Variants in TMEM63B observed in about 807,000 individuals in gnomAD.
TMEM63B encodes the protein transmembrane protein 63B, also known as mechanosensitive cation channel TMEM63B.
Under a neutral mutation model 102.6 loss-of-function variants are expected in TMEM63B, and 23 were observed. That is an observed-to-expected ratio of 0.22 (90% confidence interval 0.16 to 0.32). TMEM63B has a LOEUF of 0.32. Ranked by LOEUF, TMEM63B falls within the 10% of genes least tolerant of loss-of-function variation. The pLI, the probability that TMEM63B is intolerant of heterozygous loss-of-function variation, is 1.00. For synonymous variants in TMEM63B, 444 were observed against 437.0 expected, an observed-to-expected ratio of 1.02 and a Z score of -0.20; for missense variants, 628 against 1,095.9, an observed-to-expected ratio of 0.57 and a Z score of 6.03.
At chr6:44,133,102 A>T (rs1262365832) in intron 1 of TMEM63B, among the ~76,000 whole-genome samples, 1 of 152,212 alleles carries the variant, frequency 6.6e-6, no homozygotes, top group East Asian at 1.9e-4. Context: ...CACTGGACAA[A>T]TGGTACCCAA....
At chr6:44,140,855 A>T (rs1258291770) in intron 9 of TMEM63B, among the ~76,000 whole-genome samples, 173 bp from the exon 10 acceptor site, 1 of 151,978 alleles carries the variant, frequency 6.6e-6, no homozygotes, top group Non-Finnish European at 1.5e-5. Context: ...TTTCCCTGGG[A>T]CCTGGCTTAT....
At chr6:44,140,896 G>C in intron 9 of TMEM63B, 132 bp from the exon 10 acceptor site, 1 of 746,114 alleles carries the variant, frequency 1.3e-6, no homozygotes, top group Non-Finnish European at 2.3e-6. Context: ...CACCCCATCT[G>C]TTCCCCTCTG....
rs1430882835 is a variant in TMEM63B, at chr6:44,152,593, C to T, written c.1837C>T (p.His613Tyr). ...ATCCTCCTGCCCGTCTCCCCCCCAG[C>T]ATCAGGCCTACGAGTTCCAGTTTGG... The part of the protein sequence containing the change: ...SAAERRNVKR[H>Y]QAYEFQFGAA... The change falls in exon 20 of 24, where the codon CAT (histidine) becomes TAT (tyrosine). Residue 613 changes from histidine (H) to tyrosine (Y), a missense_variant and splice_region_variant. By Grantham distance (83) the His-to-Tyr change is moderately conservative. Coordinates refer to ENST00000323267, the MANE Select transcript of TMEM63B (RefSeq NM_018426.3). This position sits in a 1 kb window ranked among gnomAD's most constrained non-coding sequence, Gnocchi z 6.4. 6.2e-7 allele frequency: 1 copy of T among 1,607,738 alleles called. No individual in the cohort carries two copies. Among genetic ancestry groups the T allele is most frequent in the East Asian group, 2.2e-5 (1 of 44,864 alleles).
rs754002437 is a variant in TMEM63B, at chr6:44,148,753, C to T, written c.1260-39C>T. Reference sequence around the variant, plus strand: ...TTGGTGTCACTGGGGGCCAATCCTGCCCTTGGTTCCTGGACTGACCGGTTC... The same window carrying T: ...TTGGTGTCACTGGGGGCCAATCCTGTCCTTGGTTCCTGGACTGACCGGTTC... On this transcript the variant is annotated intron_variant, in intron 14 of 23. Coordinates refer to ENST00000323267, the MANE Select transcript of TMEM63B (RefSeq NM_018426.3). The surrounding 1 kb of genome is among the most constrained non-coding windows in gnomAD (Gnocchi z 5.1). The T allele has an allele frequency of 3.3e-5, 54 of 1,612,400 alleles. No individual in the cohort carries two copies. Among genetic ancestry groups the T allele is most frequent in the Non-Finnish European group, 4.2e-5 (49 of 1,178,754 alleles).
intron 20 of TMEM63B, among the ~76,000 whole-genome samples, chr6:44,153,367 T>A (rs1767207154): frequency 6.6e-6 from 1 of 152,182 alleles, no homozygotes; most frequent in Admixed American, 6.5e-5. Flanking sequence ...GTCCCTTAAT[T>A]TATACGTATC....
intron 16 of TMEM63B, 29 bp downstream of exon 16, chr6:44,149,994 C>G: frequency 6.3e-7 from 1 of 1,587,612 alleles, no homozygotes; most frequent in East Asian, 2.3e-5. Context: ...CACCACACCT[C>G]GCTGTGGCCT....
rs751312777 is a variant in TMEM63B, at chr6:44,139,457, A to G, written c.408-10A>G. 6 of 1,613,992 alleles carry G rather than the reference A, an allele frequency of 3.7e-6. No homozygotes were observed. The East Asian group carries it at 1.1e-4, about 30-fold the overall frequency. ...AACCTAATTCCTTTGTCCAACCCGTATGGCTGCAGGGATGATGAGATCCGG... is the reference window on the plus strand; with the variant it reads ...AACCTAATTCCTTTGTCCAACCCGTGTGGCTGCAGGGATGATGAGATCCGG... On this transcript the variant is annotated splice_polypyrimidine_tract_variant and intron_variant, in intron 6 of 23. Transcript: ENST00000323267.
At chr6:44,141,003 G>A (rs1764143963) in intron 9 of TMEM63B, 25 bp from the exon 10 acceptor site, 1 of 1,612,780 alleles carries the variant, frequency 6.2e-7, no homozygotes, top group South Asian at 1.1e-5. Flanking sequence ...GCCTCAGAAG[G>A]CAAACCCACT....
chr6:44,142,580 C>T (rs768719743), intron 10 of TMEM63B, among the ~76,000 whole-genome samples: 2 of 152,024 alleles, frequency 1.3e-5, no homozygotes, highest in African/African-American at 4.8e-5. Context: ...GTATGGCAGT[C>T]GGCTTTAGGA....
At chr6:44,138,870 A>C in intron 6 of TMEM63B, 1 of 322,592 alleles carries the variant, frequency 3.1e-6, no homozygotes, top group Non-Finnish European at 6.0e-6. Flanking sequence ...AGAACTCAGG[A>C]GATCCAGCCA....
chr6:44,150,682 CT>C lies in TMEM63B; in HGVS notation c.1673+55del. 1 of 1,561,422 alleles carries C rather than the reference CT, an allele frequency of 6.4e-7. No individual in the cohort carries two copies. Among genetic ancestry groups the C allele is most frequent in the Non-Finnish European group, 8.8e-7 (1 of 1,133,954 alleles). On this transcript the variant is annotated intron_variant, in intron 18 of 23. Coordinates refer to ENST00000323267, the MANE Select transcript of TMEM63B (RefSeq NM_018426.3). The surrounding 1 kb of genome is among the most constrained non-coding windows in gnomAD (Gnocchi z 4.7). ...AGACCAGACAGCAGGGGTGGGTATG[CT>C]TGAGAGACATTGCCAGCCCCATGGG...
At chr6:44,130,106 T>C (rs1562110901) in intron 1 of TMEM63B, among the ~76,000 whole-genome samples, 1 of 152,126 alleles carries the variant, frequency 6.6e-6, no homozygotes, top group Non-Finnish European at 1.5e-5. Context: ...AGAAATAGGG[T>C]ATGGCATTTC....
Position 44,135,031 on chromosome 6 carries a change from A to C in TMEM63B, c.174A>C (p.Leu58Phe). 1 of 1,614,170 alleles carries C rather than the reference A, an allele frequency of 6.2e-7. No homozygotes were observed. The highest frequency in any genetic ancestry group is 8.5e-7 in the Non-Finnish European group (1 of 1,180,020). The change falls in exon 3 of 24, where the codon TTA becomes TTC. Residue 58 changes from leucine to phenylalanine, a missense_variant. Physicochemically the swap from Leu to Phe is conservative, Grantham distance 22. Around this residue, in one of 6 missense-constraint regions of TMEM63B, gnomAD observed 336 missense variants for 580.3 expected, o/e 0.58. Transcript: ENST00000323267. ...DFMCFLALLF[L>F]FSILRKVAWD... is the part of the protein sequence containing the mutation. ...TCTTCCCTCAGGCACTGCTGTTCTTATTCTCTATCCTCCGGAAGGTGGCCT... is the reference window on the plus strand; with the variant it reads ...TCTTCCCTCAGGCACTGCTGTTCTTCTTCTCTATCCTCCGGAAGGTGGCCT...
Position 44,132,366 on chromosome 6 carries a change from G to T in TMEM63B, c.-24-2195G>T, listed in dbSNP as rs1016754693. On this transcript the variant is annotated intron_variant, in intron 1 of 23. Coordinates refer to ENST00000323267, the MANE Select transcript of TMEM63B (RefSeq NM_018426.3). Reference sequence around the variant, plus strand: ...CACTTCATGTAGAAGCTTCCAAAATGCTCTACCTTTCTTTGGTGTGGAGAA... The same window carrying T: ...CACTTCATGTAGAAGCTTCCAAAATTCTCTACCTTTCTTTGGTGTGGAGAA... 1.9e-5 allele frequency: 19 copies of T among 978,360 alleles called. No homozygotes were observed. The East Asian group carries it at 3.4e-4, about 18-fold the overall frequency. 60.6% of individuals were successfully genotyped at this position (978,360 alleles called of 1,614,324 possible).
At chr6:44,138,596 G>A in intron 6 of TMEM63B, 79 bp downstream of exon 6, 4 of 1,578,016 alleles carry the variant, frequency 2.5e-6, no homozygotes, top group Non-Finnish European at 2.6e-6. Context: ...TCAGAAGCCA[G>A]CAGCTTTCAG....
chr6:44,147,549 G>A (rs1237997008), intron 12 of TMEM63B, 49 bp downstream of exon 12: 2 of 1,600,600 alleles, frequency 1.2e-6, no homozygotes, highest in Non-Finnish European at 1.7e-6. Context: ...ACAGGTCCTG[G>A]GCAGGCAAGG....
upstream of TMEM63B, chr6:44,127,300 G>A (rs997745856): frequency 6.6e-6 from 1 of 151,352 alleles, no homozygotes; most frequent in East Asian, 2.0e-4. Context: ...AAGAGGAGAA[G>A]GAGGGAATGA....
Position 44,153,684 on chromosome 6 carries a change from T to C in TMEM63B, c.1951T>C (p.Tyr651His). The change falls in exon 21 of 24, where the codon TAC (tyrosine) becomes CAC (histidine). Residue 651 changes from tyrosine to histidine, a missense_variant. Tyr to His is a moderately conservative substitution (Grantham distance 83, BLOSUM62 2). This residue lies in a region of TMEM63B where 90 missense variants were observed against 136.7 expected (regional missense o/e 0.66). Coordinates refer to ENST00000323267, the MANE Select transcript of TMEM63B (RefSeq NM_018426.3). ...CATGTGGCTTCCCTTAGGGCTCATG[T>C]ACATGCTGCTGAAGCACCTGGTAGA... ...CPIIVPFGLM[Y>H]MLLKHLVDRY... 2 of 1,613,866 alleles carry C rather than the reference T, an allele frequency of 1.2e-6. No individual in the cohort carries two copies. The highest frequency in any genetic ancestry group is 1.7e-6 in the Non-Finnish European group (2 of 1,179,910).
In TMEM63B at chr6:44,147,484, T is replaced by C; in HGVS notation, c.971T>C (p.Val324Ala). 1 of 1,614,158 alleles carries C rather than the reference T, an allele frequency of 6.2e-7. No individual in the cohort carries two copies. The highest frequency in any genetic ancestry group is 1.1e-5 in the South Asian group (1 of 91,086). ...TGTGGCCACCTCTGCTGCTGTGTGG[T>C]GCGAGGCTGTGAGCAGGTATGACGC... Reference protein sequence around the residue: ...KPCGHLCCCVVRGCEQVEAIE... With the variant: ...KPCGHLCCCVARGCEQVEAIE... Residue 324 changes from valine to alanine, a missense_variant, in exon 12 of 24, where the codon GTG becomes GCG. By Grantham distance (64) the Val-to-Ala change is moderately conservative. Around this residue, in one of 6 missense-constraint regions of TMEM63B, gnomAD observed 336 missense variants for 580.3 expected, o/e 0.58. Transcript: ENST00000323267.
Sources: gnomAD v4.1 joint callset for allele counts (sites outside exome capture counted in the v4.1 genomes callset) on GRCh38, gnomAD v4.1.1 for gene constraint, gnomAD v4.1.1 regional missense constraint, Gnocchi (gnomAD v3.1) non-coding constraint, MANE v1.5 for transcripts, NCBI Gene and HGNC (gene_info 2026-07-23, HGNC 2026-07-21) for gene names.